The following PLCL2 variants were observed in gnomAD, a reference collection of about 807,000 sequenced individuals.
PLCL2 encodes the protein inactive phospholipase C-like protein 2.
In PLCL2, 4 loss-of-function variants were observed where a neutral mutation model predicts 79.6. The observed-to-expected ratio is 0.05, with a 90% CI of 0.02 to 0.11. The LOEUF (loss-of-function observed/expected upper bound fraction) is 0.11. PLCL2 is among the 10% of genes least tolerant of loss of function. The pLI is 1.00. For synonymous variants in PLCL2, 484 were observed against 457.7 expected, an observed-to-expected ratio of 1.06 and a Z score of -0.73; for missense variants, 895 against 1,291.0, an observed-to-expected ratio of 0.69 and a Z score of 4.70.
At chr3:16,905,405 C>G (rs1190197685) in intron 1 of PLCL2, among the ~76,000 whole-genome samples, 1 of 152,210 alleles carries the variant, frequency 6.6e-6, no homozygotes, top group Non-Finnish European at 1.5e-5. Context: ...GTTTCAACCT[C>G]TGTATCAAAC....
intron 4 of PLCL2, among the ~76,000 whole-genome samples, chr3:17,054,583 A>G (rs892845582): frequency 1.3e-5 from 2 of 152,084 alleles, no homozygotes; most frequent in South Asian, 2.1e-4. Flanking sequence ...AGCAGGAGAA[A>G]GAGAGTGGGG....
chr3:16,953,516 T>C (rs928811265), intron 1 of PLCL2, among the ~76,000 whole-genome samples: 2 of 152,180 alleles, frequency 1.3e-5, no homozygotes, highest in African/African-American at 4.8e-5. Flanking sequence ...AAGAGCTTGT[T>C]CTCTAAAAAT....
chr3:17,087,631 G>A (rs193236533), intron 5 of PLCL2, among the ~76,000 whole-genome samples: 197 of 152,280 alleles, frequency 1.3e-3, no homozygotes, highest in Admixed American at 2.1e-3. Flanking sequence ...AACCAAGGGT[G>A]AGCCCTAATT....
intron 2 of PLCL2, among the ~76,000 whole-genome samples, chr3:17,012,955 T>C (rs1484179279): frequency 6.6e-6 from 1 of 152,216 alleles, no homozygotes; most frequent in Non-Finnish European, 1.5e-5. Flanking sequence ...TATTTTAAAA[T>C]GACCAATGAG....
chr3:17,004,373 AT>A (rs1003231667), intron 1 of PLCL2, among the ~76,000 whole-genome samples: 2 of 152,286 alleles, frequency 1.3e-5, no homozygotes, highest in Admixed American at 6.5e-5. Flanking sequence ...AGCTTTTGGA[AT>A]ACAGAATACT....
chr3:16,925,600 A>T (rs1697228475), intron 1 of PLCL2, among the ~76,000 whole-genome samples: 1 of 152,136 alleles, frequency 6.6e-6, no homozygotes, highest in Non-Finnish European at 1.5e-5. Context: ...CCTTCCCTAA[A>T]CATTTTATAT....
At chr3:17,014,479 A>G (rs1429185618) in intron 2 of PLCL2, among the ~76,000 whole-genome samples, 1 of 152,130 alleles carries the variant, frequency 6.6e-6, no homozygotes, top group African/African-American at 2.4e-5. Context: ...ACTTATTTGC[A>G]TTTTCAGTAC....
chr3:16,914,523 G>GT lies in PLCL2; in HGVS notation c.327+29168dup, dbSNP rs565692534. 9.6e-3 allele frequency among the ~76,000 whole-genome samples: 1,382 copies of GT among 143,928 alleles called. 21 individuals carry two copies. Among genetic ancestry groups the GT allele is most frequent in the African/African-American group, 0.028 (1,088 of 39,432 alleles). The allele number at this position is 143,928 out of a possible 152,430, so 94.4% of individuals were successfully genotyped here. Reference sequence around the variant, plus strand: ...TGATAAACTGAATTTAAATTTCCAGGTTTTTTTTTTTCTCTTGGTGGTCCA... The same window carrying GT: ...TGATAAACTGAATTTAAATTTCCAGGTTTTTTTTTTTTCTCTTGGTGGTCCA... On this transcript the variant is annotated intron_variant, in intron 1 of 5. Coordinates refer to ENST00000615277, the MANE Select transcript of PLCL2 (RefSeq NM_001144382.2).
chr3:16,920,289 T>C (rs1399847971), intron 1 of PLCL2, among the ~76,000 whole-genome samples: 5 of 152,286 alleles, frequency 3.3e-5, no homozygotes, highest in Non-Finnish European at 5.9e-5. Context: ...TGAGTGGCTT[T>C]AGAATATCAT....
intron 5 of PLCL2, among the ~76,000 whole-genome samples, chr3:17,075,167 C>T (rs1490488025): frequency 1.3e-5 from 2 of 152,148 alleles, no homozygotes; most frequent in African/African-American, 2.4e-5. Context: ...TTCACTTGAA[C>T]ACTTGGAGGC....
intron 1 of PLCL2, among the ~76,000 whole-genome samples, chr3:17,004,624 A>G (rs1394935836): frequency 6.6e-6 from 1 of 152,148 alleles, no homozygotes; most frequent in Non-Finnish European, 1.5e-5. Context: ...CTTAAAGAGC[A>G]CATCAAAGTT....
intron 1 of PLCL2, among the ~76,000 whole-genome samples, chr3:16,922,632 A>G (rs1697149344): frequency 6.6e-6 from 1 of 152,202 alleles, no homozygotes; most frequent in South Asian, 2.1e-4. Flanking sequence ...TTCTGTCAGT[A>G]TTGTACCAAA....
chr3:17,011,542 C>A lies in PLCL2; in HGVS notation c.2196C>A (p.Ile732=), dbSNP rs1278420945. ...GTGGCTATGTCCTCCGGCCAGCCATCATGAGGGAGGAGGTCTCCTTCTTCA... is the reference window on the plus strand; with the variant it reads ...GTGGCTATGTCCTCCGGCCAGCCATAATGAGGGAGGAGGTCTCCTTCTTCA... ...GNCGYVLRPA[I]MREEVSFFSA... Residue 732 remains isoleucine, a synonymous_variant, in exon 2 of 6, where the codon ATC becomes ATA. Transcript: ENST00000615277. The surrounding 1 kb of genome is among the most constrained non-coding windows in gnomAD (Gnocchi z 7.9). The A allele has an allele frequency of 6.2e-7, 1 of 1,614,138 alleles. No homozygotes were observed. The highest frequency in any genetic ancestry group is 2.2e-5 in the East Asian group (1 of 44,876).
At chr3:17,003,520 T>C (rs1207041726) in intron 1 of PLCL2, among the ~76,000 whole-genome samples, 1 of 152,168 alleles carries the variant, frequency 6.6e-6, no homozygotes, top group Non-Finnish European at 1.5e-5. Context: ...CCTCCTGTAA[T>C]GGTAGACTGC....
At chr3:16,997,423 G>A (rs2064164754) in intron 1 of PLCL2, among the ~76,000 whole-genome samples, 1 of 145,122 alleles carries the variant, frequency 6.9e-6, no homozygotes, top group Admixed American at 6.9e-5. Context: ...TGGAACTTAT[G>A]AGTGTTTTGT....
chr3:16,933,103 G>A (rs1315352388), intron 1 of PLCL2: 1 of 154,732 alleles, frequency 6.5e-6, no homozygotes, highest in African/African-American at 2.4e-5. Flanking sequence ...ACGTACCTAA[G>A]TATTATTGGA....
intron 4 of PLCL2, among the ~76,000 whole-genome samples, chr3:17,047,659 T>C (rs1432348006): frequency 1.3e-5 from 2 of 152,172 alleles, no homozygotes; most frequent in African/African-American, 4.8e-5. Flanking sequence ...CTTTCTTAAA[T>C]TTGATTTGCC....
chr3:17,023,125 A>G (rs148587507), intron 3 of PLCL2, among the ~76,000 whole-genome samples: 89 of 152,250 alleles, frequency 5.8e-4, no homozygotes, highest in Admixed American at 1.1e-3. Flanking sequence ...AGGTGGGTAC[A>G]TAGTGGGGGG....
At chr3:16,984,654 C>G (rs1156256693) in intron 1 of PLCL2, among the ~76,000 whole-genome samples, 2 of 152,128 alleles carry the variant, frequency 1.3e-5, no homozygotes, top group African/African-American at 4.8e-5. Context: ...CAGACCTGGC[C>G]AGGTGCGCTG....
Sources: gnomAD v4.1 joint callset for allele counts (sites outside exome capture counted in the v4.1 genomes callset) on GRCh38, gnomAD v4.1.1 for gene constraint, Gnocchi (gnomAD v3.1) non-coding constraint, MANE v1.5 for transcripts, NCBI Gene and HGNC (gene_info 2026-07-23, HGNC 2026-07-21) for gene names.